The following MAGI1 variants were observed in gnomAD, a reference collection of about 807,000 sequenced individuals.
MAGI1 encodes membrane-associated guanylate kinase, WW and PDZ domain-containing protein 1.
A neutral mutation model predicts 139.9 loss-of-function variants in MAGI1; 58 were observed. The observed-to-expected ratio is 0.41, with a 90% CI of 0.34 to 0.52. MAGI1 has a LOEUF of 0.52. Ranked by LOEUF, MAGI1 falls within the 20% of genes least tolerant of loss-of-function variation. MAGI1 has a pLI of 0.12. For missense variants in MAGI1, 1,874 were observed against 1,901.6 expected (o/e 0.99, Z 0.27); for synonymous variants, 812 against 737.9 (o/e 1.10, Z -1.63).
intron 1 of MAGI1, among the ~76,000 whole-genome samples, chr3:65,984,921 A>G (rs990869437): frequency 2.0e-5 from 3 of 152,072 alleles, no homozygotes; most frequent in Non-Finnish European, 4.4e-5. Flanking sequence ...TTCTTTGTAG[A>G]TGAAGCAACT....
intron 1 of MAGI1, among the ~76,000 whole-genome samples, chr3:65,670,706 A>G (rs921058565): frequency 1.3e-5 from 2 of 152,054 alleles, no homozygotes; most frequent in Non-Finnish European, 2.9e-5. Flanking sequence ...TCCACTGTTC[A>G]TCTCTTCCCC....
chr3:65,845,186 G>A (rs992752754), intron 1 of MAGI1, among the ~76,000 whole-genome samples: 2 of 151,896 alleles, frequency 1.3e-5, no homozygotes, highest in African/African-American at 4.8e-5. Context: ...AGGAGGCGGC[G>A]GTTGCAGTGA....
At chr3:65,583,980 G>A (rs1396393104) in intron 2 of MAGI1, among the ~76,000 whole-genome samples, 1 of 149,470 alleles carries the variant, frequency 6.7e-6, no homozygotes, top group African/African-American at 2.5e-5. Flanking sequence ...TGACAGTGGT[G>A]TGAAGTTCAT....
chr3:65,848,326 C>T (rs148853618), intron 1 of MAGI1, among the ~76,000 whole-genome samples: 2 of 152,252 alleles, frequency 1.3e-5, no homozygotes, highest in South Asian at 2.1e-4. Context: ...TAGAATGTTT[C>T]GTATCCTACG....
chr3:65,796,494 G>T (rs1293301093), intron 1 of MAGI1, among the ~76,000 whole-genome samples: 1 of 152,102 alleles, frequency 6.6e-6, no homozygotes, highest in Non-Finnish European at 1.5e-5. Context: ...TGGGCTTTTG[G>T]TCACTAAGCA....
rs558455871 is a variant in MAGI1 at position 65,429,736 on chromosome 3, T to C, written c.1951A>G (p.Met651Val). The C allele has an allele frequency of 1.4e-5, 23 of 1,613,846 alleles. No homozygotes were observed. Among genetic ancestry groups the C allele is most frequent in the African/African-American group, 2.7e-5 (2 of 74,916 alleles). Reference protein sequence around the residue: ...LITVHIVKGPMGFGFTIADSP... With the variant: ...LITVHIVKGPVGFGFTIADSP... The stretch of plus-strand genomic sequence containing the variant: ...TCTGCGATAGTAAAACCAAAGCCCA[T>C]TGGCCCTTTGACAATATGAACAGTT... Residue 651 changes from methionine to valine, a missense_variant, in exon 12 of 23, where the codon ATG (methionine) becomes GTG (valine). Around this residue, in one of 5 missense-constraint regions of MAGI1, gnomAD observed 482 missense variants for 509.6 expected, o/e 0.95. Transcript: ENST00000402939.
chr3:65,401,372 T>TACCCCC, intron 13 of MAGI1, 67 bp downstream of exon 13: 1 of 778,296 alleles, frequency 1.3e-6, no homozygotes, highest in Non-Finnish European at 2.1e-6. Flanking sequence ...CAGAGTACCC[T>TACCCCC]CCCACCTCCA....
At chr3:65,777,443 G>C (rs564634949) in intron 1 of MAGI1, among the ~76,000 whole-genome samples, 1 of 152,200 alleles carries the variant, frequency 6.6e-6, no homozygotes, top group African/African-American at 2.4e-5. Context: ...CTAAAATAAA[G>C]GGACTATATT....
chr3:65,594,845 T>G (rs113490142), intron 2 of MAGI1, among the ~76,000 whole-genome samples: 1 of 152,238 alleles, frequency 6.6e-6, no homozygotes, highest in South Asian at 2.1e-4. Context: ...CTATATTTAC[T>G]TTCAGCTTTA....
chr3:65,794,127 C>T (rs997180589), intron 1 of MAGI1, among the ~76,000 whole-genome samples: 17 of 152,102 alleles, frequency 1.1e-4, no homozygotes, highest in Non-Finnish European at 1.9e-4. Context: ...AAGGATGAGA[C>T]GCAAGCCATT....
intron 1 of MAGI1, among the ~76,000 whole-genome samples, chr3:65,846,473 G>C (rs1048770203): frequency 2.6e-5 from 4 of 152,130 alleles, no homozygotes; most frequent in Non-Finnish European, 5.9e-5. Flanking sequence ...TAAAACAGGG[G>C]TCATGATCTA....
chr3:65,486,607 T>C (rs1012275641), intron 3 of MAGI1, among the ~76,000 whole-genome samples: 7 of 152,256 alleles, frequency 4.6e-5, no homozygotes, highest in Non-Finnish European at 1.0e-4. Context: ...TGCTTATTCT[T>C]GTCTTCTTTA....
chr3:65,412,656 T>A (rs576314245), intron 12 of MAGI1, among the ~76,000 whole-genome samples: 1 of 152,208 alleles, frequency 6.6e-6, no homozygotes, highest in Non-Finnish European at 1.5e-5. Context: ...GAAGAGCTGA[T>A]GAGGCAAAGG....
At chr3:65,756,100 C>T (rs890548191) in intron 1 of MAGI1, among the ~76,000 whole-genome samples, 14 of 152,142 alleles carry the variant, frequency 9.2e-5, no homozygotes, top group African/African-American at 3.4e-4. Flanking sequence ...ATTATCGTGT[C>T]GGGGCTTATA....
At position 65,923,945 on chromosome 3, in the gene MAGI1, A is replaced by C. The variant is rs138265579; in HGVS notation, c.313+114051T>G. Among the ~76,000 whole-genome samples, 309 of 152,350 alleles carry C rather than the reference A, an allele frequency of 2.0e-3. 1 individual carries two copies. The highest frequency in any genetic ancestry group is 6.9e-3 in the African/African-American group (285 of 41,584). On this transcript the variant is annotated intron_variant, in intron 1 of 22. Transcript: ENST00000402939. The stretch of plus-strand genomic sequence containing the variant: ...ATCAATGCACCTGAATTTTATATTA[A>C]GAGTAATATTAACAGAAAATAATTA...
chr3:65,481,792 T>C (rs1951310402), intron 3 of MAGI1, among the ~76,000 whole-genome samples: 1 of 152,224 alleles, frequency 6.6e-6, no homozygotes, highest in Non-Finnish European at 1.5e-5. Flanking sequence ...AAAGTTCCAC[T>C]TAACTTTGAC....
chr3:65,453,201 T>C (rs1413941310), intron 6 of MAGI1, 57 bp downstream of exon 6: 2 of 1,480,296 alleles, frequency 1.4e-6, no homozygotes, highest in African/African-American at 2.8e-5. Flanking sequence ...CTTTAAAATT[T>C]GCACATGTGA....
chr3:65,485,669 A>C (rs2107639560), intron 3 of MAGI1, among the ~76,000 whole-genome samples: 1 of 152,352 alleles, frequency 6.6e-6, no homozygotes, highest in East Asian at 1.9e-4. Flanking sequence ...ACATTTTTTA[A>C]AGTTACCTTT....
chr3:65,981,673 G>C (rs1157265174), intron 1 of MAGI1, among the ~76,000 whole-genome samples: 2 of 152,218 alleles, frequency 1.3e-5, no homozygotes, highest in East Asian at 3.9e-4. Flanking sequence ...TGAATCATGG[G>C]GGTGGTTTCC....
Sources: gnomAD v4.1 joint callset for allele counts (sites outside exome capture counted in the v4.1 genomes callset) on GRCh38, gnomAD v4.1.1 for gene constraint, gnomAD v4.1.1 regional missense constraint, MANE v1.5 for transcripts, NCBI Gene and HGNC (gene_info 2026-07-23, HGNC 2026-07-21) for gene names.